Variants in TIAM1 observed in about 807,000 individuals in gnomAD.
The protein encoded by TIAM1 is TIAM Rac1 associated GEF 1, also known as rho guanine nucleotide exchange factor TIAM1.
A neutral mutation model predicts 163.5 loss-of-function variants in TIAM1; 65 were observed. The ratio of observed to expected loss-of-function variants is 0.40; its 90% CI spans 0.33 to 0.49. The LOEUF is 0.49. Among genes scored for constraint, TIAM1 ranks in the 20% least tolerant of loss-of-function variants. TIAM1 has a pLI of 0.77. For synonymous variants in TIAM1, 833 were observed against 810.1 expected (o/e 1.03, Z -0.48); for missense variants, 1,789 against 2,044.7 (o/e 0.87, Z 2.41).
intron 19 of TIAM1, 120 bp from the exon 20 acceptor site, chr21:31,147,123 C>T (rs960276592): frequency 1.5e-5 from 11 of 751,884 alleles, no homozygotes; most frequent in Admixed American, 4.3e-5. Context: ...TCTTCCGTGC[C>T]TGTCAGAGCC....
intron 1 of TIAM1, among the ~76,000 whole-genome samples, chr21:31,482,267 T>C (rs950443427): frequency 6.6e-6 from 1 of 152,196 alleles, no homozygotes; most frequent in African/African-American, 2.4e-5. Context: ...TTCTCCTGCC[T>C]CAGCCTCCCG....
intron 1 of TIAM1, among the ~76,000 whole-genome samples, chr21:31,499,709 G>T (rs1204262246): frequency 6.6e-6 from 1 of 152,034 alleles, no homozygotes; most frequent in Non-Finnish European, 1.5e-5. Context: ...AATTAGCCAG[G>T]TGTGGTGGTG....
chr21:31,383,223 G>A (rs2076808352), intron 2 of TIAM1, among the ~76,000 whole-genome samples: 1 of 152,030 alleles, frequency 6.6e-6, no homozygotes, highest in Admixed American at 6.6e-5. Context: ...CTGGGCAACA[G>A]AGCAAGACTC....
chr21:31,377,033 C>CTTTTTTTTT (rs35487868), intron 2 of TIAM1, among the ~76,000 whole-genome samples: 20 of 80,934 alleles, frequency 2.5e-4, no homozygotes, highest in East Asian at 4.2e-4. Context: ...TCATTTTTGT[C>CTTTTTTTTT]TTTTTTTTTT....
At chr21:31,526,249 A>T (rs1201423133) in intron 1 of TIAM1, among the ~76,000 whole-genome samples, 1 of 152,146 alleles carries the variant, frequency 6.6e-6, no homozygotes, top group African/African-American at 2.4e-5. Context: ...TGAAGAGGGA[A>T]GGATAAGAAA....
chr21:31,256,125 T>G (rs2072086326), intron 4 of TIAM1, among the ~76,000 whole-genome samples: 1 of 152,194 alleles, frequency 6.6e-6, no homozygotes, highest in African/African-American at 2.4e-5. Flanking sequence ...TTTCACTGCC[T>G]TGAAAACTGG....
intron 1 of TIAM1, among the ~76,000 whole-genome samples, chr21:31,503,114 G>C (rs1441318284): frequency 6.6e-6 from 1 of 152,100 alleles, no homozygotes; most frequent in African/African-American, 2.4e-5. Flanking sequence ...GGTGAAGAAG[G>C]CTGGGTGCGG....
At chr21:31,316,434 G>C (rs2075126236) in intron 2 of TIAM1, among the ~76,000 whole-genome samples, 1 of 152,198 alleles carries the variant, frequency 6.6e-6, no homozygotes, top group African/African-American at 2.4e-5. Context: ...TTTCATAAAG[G>C]AGAGTATTTT....
chr21:31,516,185 G>A (rs2047376707), intron 1 of TIAM1, among the ~76,000 whole-genome samples: 1 of 151,800 alleles, frequency 6.6e-6, no homozygotes, highest in South Asian at 2.1e-4. Flanking sequence ...GCCAAGGCAG[G>A]CAGATCACCT....
At chr21:31,318,903 C>T (rs777373837) in intron 2 of TIAM1, among the ~76,000 whole-genome samples, 4 of 152,034 alleles carry the variant, frequency 2.6e-5, no homozygotes, top group Admixed American at 6.6e-5. Flanking sequence ...TCGCTCTGTC[C>T]CTCAGGCTGG....
chr21:31,295,343 A>G lies in TIAM1; in HGVS notation c.-188-18435T>C, dbSNP rs532044518. Among the ~76,000 whole-genome samples, 168 of 151,966 alleles carry G rather than the reference A, an allele frequency of 1.1e-3. 1 individual carries two copies. Among genetic ancestry groups the G allele is most frequent in the South Asian group, 5.2e-3 (25 of 4,802 alleles). The stretch of plus-strand genomic sequence containing the variant: ...AAATTAGTTGGGCGTGGTGGCAGGC[A>G]CCTGTAGTCCCAACTACTCAGGAGG... On this transcript the variant is annotated intron_variant, in intron 2 of 27. Coordinates refer to ENST00000541036, the MANE Select transcript of TIAM1 (RefSeq NM_001353694.2).
chr21:31,344,674 G>T (rs1210231958), upstream of TIAM1, among the ~76,000 whole-genome samples: 3 of 152,146 alleles, frequency 2.0e-5, no homozygotes, highest in African/African-American at 7.2e-5. Flanking sequence ...CTATTGAAAA[G>T]GAGTGAAGGG....
intron 2 of TIAM1, among the ~76,000 whole-genome samples, chr21:31,325,909 T>C (rs750530730): frequency 3.9e-5 from 6 of 152,190 alleles, no homozygotes; most frequent in Non-Finnish European, 7.3e-5. Context: ...GCAGTAGATA[T>C]ACTACACACT....
rs961555253 is a variant in TIAM1, at chr21:31,182,313, A to G, written c.2887+108T>C. On this transcript the variant is annotated intron_variant, in intron 15 of 27. Coordinates refer to ENST00000541036, the MANE Select transcript of TIAM1 (RefSeq NM_001353694.2). ...CCATCTTGCACACACATTTTATACC[A>G]CCTGCCAGACAGAGGCACTCACTGA... is the stretch of plus-strand genomic sequence containing the variant. 14 of 937,834 alleles carry G rather than the reference A, an allele frequency of 1.5e-5. No homozygotes were observed. The African/African-American group carries it at 2.2e-4, about 15-fold the overall frequency. The allele number at this position is 937,834 out of a possible 1,614,324, so 58.1% of individuals were successfully genotyped here.
intron 2 of TIAM1, among the ~76,000 whole-genome samples, chr21:31,415,402 T>C (rs890373499): frequency 2.0e-5 from 3 of 152,208 alleles, no homozygotes; most frequent in African/African-American, 4.8e-5. Flanking sequence ...CTGGAAATCA[T>C]AGCTATTCAA....
chr21:31,202,815 G>T, intron 12 of TIAM1, 93 bp downstream of exon 12: 3 of 1,232,652 alleles, frequency 2.4e-6, no homozygotes, highest in Non-Finnish European at 3.5e-6. Context: ...TTTTGAACTC[G>T]TTCCACTCCA....
At chr21:31,536,479 A>G (rs1476425772) in intron 1 of TIAM1, among the ~76,000 whole-genome samples, 1 of 152,240 alleles carries the variant, frequency 6.6e-6, no homozygotes, top group Non-Finnish European at 1.5e-5. Context: ...GAAGGAAGGG[A>G]GTCTTCAGGA....
intron 19 of TIAM1, 139 bp downstream of exon 19, chr21:31,152,497 C>T (rs1601313145): frequency 4.2e-6 from 5 of 1,177,626 alleles, no homozygotes; most frequent in East Asian, 2.4e-5. Context: ...CAGCAAGACA[C>T]ACTCCATTCC....
chr21:31,474,545 T>A (rs1243453560), intron 1 of TIAM1, among the ~76,000 whole-genome samples: 1 of 85,506 alleles, frequency 1.2e-5, no homozygotes, highest in Non-Finnish European at 2.3e-5. Flanking sequence ...AAACCTTTAG[T>A]CTTTTTTTTT....
Sources: gnomAD v4.1 joint callset for allele counts (sites outside exome capture counted in the v4.1 genomes callset) on GRCh38, gnomAD v4.1.1 for gene constraint, MANE v1.5 for transcripts, NCBI Gene and HGNC (gene_info 2026-07-23, HGNC 2026-07-21) for gene names.